The following FCRL2 variants were observed in gnomAD, a reference collection of about 807,000 sequenced individuals.
FCRL2 encodes the protein Fc receptor-like protein 2.
Under a neutral mutation model 59.8 loss-of-function variants are expected in FCRL2, and 48 were observed. The ratio of observed to expected loss-of-function variants is 0.80; its 90% confidence interval spans 0.64 to 1.02. The LOEUF (loss-of-function observed/expected upper bound fraction) is 1.02, where lower values mean the gene tolerates loss of function less well. FCRL2 is among the 50% of genes least tolerant of loss of function. The pLI is 0.00. For missense variants in FCRL2, 658 were observed against 597.3 expected, an observed-to-expected ratio of 1.10 and a Z score of -1.06; for synonymous variants, 251 against 229.5, an observed-to-expected ratio of 1.09 and a Z score of -0.85.
rs189032746 is a variant in FCRL2, at chr1:157,759,319, C to T, written c.1279+7536G>A. On this transcript the variant is annotated intron_variant, in intron 7 of 11. Transcript: ENST00000361516. Reference sequence around the variant, plus strand: ...CAGTCTTGAGTATTTCTTTACAGCACTGTGAGAACAGACTAATACAAAACT... The same window carrying T: ...CAGTCTTGAGTATTTCTTTACAGCATTGTGAGAACAGACTAATACAAAACT... 5.2e-3 allele frequency among the ~76,000 whole-genome samples: 793 copies of T among 152,224 alleles called. 3 individuals carry two copies. Among genetic ancestry groups the T allele is most frequent in the Non-Finnish European group, 7.1e-3 (485 of 68,008 alleles).
intron 8 of FCRL2, 36 bp downstream of exon 8, chr1:157,749,614 T>C: frequency 6.5e-7 from 1 of 1,544,204 alleles, no homozygotes; most frequent in Non-Finnish European, 8.9e-7. Context: ...GAAGGAGACC[T>C]CTAGAATTAA....
chr1:157,760,690 A>G lies in FCRL2; in HGVS notation c.1279+6165T>C, dbSNP rs1327889802. On this transcript the variant is annotated intron_variant, in intron 7 of 11. Coordinates refer to ENST00000361516, the MANE Select transcript of FCRL2 (RefSeq NM_030764.4). The stretch of plus-strand genomic sequence containing the variant: ...AGGAAGGAAGGAAGGAAAGAAAGAA[A>G]GAAAGAAGGAAAGAAAGAAAGAAAG... Among the ~76,000 whole-genome samples, 73 of 112,962 alleles carry G rather than the reference A, an allele frequency of 6.5e-4. 1 individual carries two copies. The highest frequency in any genetic ancestry group is 2.3e-3 in the African/African-American group (62 of 26,422). 74.1% of individuals were successfully genotyped at this position (112,962 alleles called of 152,430 possible). A position where few individuals can be genotyped will look rare whatever the true frequency, so the allele number is the denominator to read the frequency against.
At position 157,767,258 on chromosome 1, in the gene FCRL2, T is replaced by C; in HGVS notation, c.1135A>G (p.Ser379Gly). 1 of 1,613,936 alleles carries C rather than the reference T, an allele frequency of 6.2e-7. No individual in the cohort carries two copies. The highest frequency in any genetic ancestry group is 2.2e-5 in the East Asian group (1 of 44,890). The change falls in exon 6 of 12, where the codon AGT (serine) becomes GGT (glycine). Residue 379 changes from serine to glycine, a missense_variant. By Grantham distance (56) the Ser-to-Gly change is moderately conservative. Transcript: ENST00000361516. The part of the protein sequence containing the change: ...EANNGLGAQC[S>G]EAVPVSISGP... ...GAGATGGAGACTGGCACTGCCTCAC[T>C]GCACTGGGCCCCCAGGCCGTTGTTG...
chr1:157,764,786 C>T (rs567772711), intron 7 of FCRL2, among the ~76,000 whole-genome samples: 6 of 152,116 alleles, frequency 3.9e-5, no homozygotes, highest in Admixed American at 6.5e-5. Flanking sequence ...AAAATTGAAA[C>T]GTAACATACT....
At chr1:157,759,650 C>G (rs1220655243) in intron 7 of FCRL2, among the ~76,000 whole-genome samples, 1 of 152,184 alleles carries the variant, frequency 6.6e-6, no homozygotes, top group Non-Finnish European at 1.5e-5. Flanking sequence ...TGAACAGACA[C>G]TTCTCCAGAA....
At chr1:157,760,492 A>C (rs888770752) in intron 7 of FCRL2, among the ~76,000 whole-genome samples, 1 of 151,600 alleles carries the variant, frequency 6.6e-6, no homozygotes, top group African/African-American at 2.4e-5. Context: ...GCTGGGCGTC[A>C]TGGCAGGCAC....
At chr1:157,766,568 A>C (rs1460994741) in intron 7 of FCRL2, 1 of 457,074 alleles carries the variant, frequency 2.2e-6, no homozygotes, top group East Asian at 3.4e-5. Context: ...GAAAATTACT[A>C]AATGGCAATT....
intron 7 of FCRL2, among the ~76,000 whole-genome samples, chr1:157,759,974 T>C (rs1402885151): frequency 2.0e-5 from 3 of 152,236 alleles, no homozygotes; most frequent in Non-Finnish European, 4.4e-5. Context: ...ATCGTTCTAC[T>C]GTAAAGACAC....
intron 7 of FCRL2, among the ~76,000 whole-genome samples, chr1:157,759,908 G>A (rs1163602557): frequency 6.6e-6 from 1 of 152,158 alleles, no homozygotes; most frequent in Non-Finnish European, 1.5e-5. Context: ...ACTTAAAATA[G>A]AACTACCATT....
At chr1:157,771,198 G>T (rs1029400098) in intron 2 of FCRL2, among the ~76,000 whole-genome samples, 3 of 152,166 alleles carry the variant, frequency 2.0e-5, no homozygotes, top group Non-Finnish European at 4.4e-5. Flanking sequence ...TATTGCAGGG[G>T]TGTCAAGGTA....
chr1:157,753,485 A>G (rs1163192776), intron 7 of FCRL2, among the ~76,000 whole-genome samples: 1 of 152,214 alleles, frequency 6.6e-6, no homozygotes, highest in Non-Finnish European at 1.5e-5. Context: ...ACCAAATGAA[A>G]AAGTTTAGGT....
chr1:157,758,917 C>A (rs1421933924), intron 7 of FCRL2, among the ~76,000 whole-genome samples: 1 of 152,152 alleles, frequency 6.6e-6, no homozygotes, highest in Non-Finnish European at 1.5e-5. Flanking sequence ...TCACCATATA[C>A]AAAAATCAAC....
At chr1:157,758,994 T>C (rs1051638382) in intron 7 of FCRL2, among the ~76,000 whole-genome samples, 2 of 152,242 alleles carry the variant, frequency 1.3e-5, no homozygotes, top group African/African-American at 4.8e-5. Context: ...TTGGGCTGTG[T>C]CCTCACCCAA....
In FCRL2 at chr1:157,776,986, G is replaced by A. The variant is rs983741714; in HGVS notation, c.31+57C>T. ...TCCAATAAAACCTCCAACCTTTTGG[G>A]AGCAGTAGACCTCATTCAGCTGCCA... is the stretch of plus-strand genomic sequence containing the variant. On this transcript the variant is annotated intron_variant, in intron 1 of 11. Coordinates refer to ENST00000361516, the MANE Select transcript of FCRL2 (RefSeq NM_030764.4). The A allele has an allele frequency of 2.6e-6, 4 of 1,526,186 alleles. No individual in the cohort carries two copies. In the African/African-American group the frequency reaches 5.5e-5, roughly 21 times the overall value. The allele number at this position is 1,526,186 out of a possible 1,614,324, so 94.5% of individuals were successfully genotyped here. A position where few individuals can be genotyped will look rare whatever the true frequency, so the allele number is the denominator to read the frequency against.
In FCRL2 at chr1:157,764,181, C is replaced by T. The variant is rs554041663; in HGVS notation, c.1279+2674G>A. Among the ~76,000 whole-genome samples, 6 of 151,030 alleles carry T rather than the reference C, an allele frequency of 4.0e-5. No individual in the cohort carries two copies. The East Asian group carries it at 5.8e-4, about 15-fold the overall frequency. ...ATTGCGCCACCGCACTCCAGCCTGG[C>T]GACAGAGCAAGACTCTGCCTCAAAA... On this transcript the variant is annotated intron_variant, in intron 7 of 11. Coordinates refer to ENST00000361516, the MANE Select transcript of FCRL2 (RefSeq NM_030764.4).
Position 157,770,552 on chromosome 1 carries a change from T to G in FCRL2, c.167A>C (p.Lys56Thr). ...IQKMAYHKDN[K>T]ELSVFKKFSD... ...GAATTTTTTGAAAACAGATAACTCT[T>G]TGTTATCCTTATGGTAAGCCATCTT... Residue 56 changes from lysine (K) to threonine (T), a missense_variant, in exon 3 of 12, where the codon AAA becomes ACA. Lys to Thr is a moderately conservative substitution (Grantham distance 78, BLOSUM62 -1). Transcript: ENST00000361516. The G allele has an allele frequency of 6.2e-7, 1 of 1,614,202 alleles. No homozygotes were observed. Among genetic ancestry groups the G allele is most frequent in the Non-Finnish European group, 8.5e-7 (1 of 1,180,012 alleles).
At chr1:157,775,869 G>A (rs1650372485) in intron 1 of FCRL2, 74 bp from the exon 2 acceptor site, 2 of 1,514,062 alleles carry the variant, frequency 1.3e-6, no homozygotes, top group Non-Finnish European at 1.8e-6. Flanking sequence ...TATTACTCTG[G>A]TAAATTGCTC....
In FCRL2 at chr1:157,770,091, C is replaced by CT; in HGVS notation, c.369dup (p.Val124SerfsTer6). 1 of 1,614,222 alleles carries CT rather than the reference C, an allele frequency of 6.2e-7. No individual in the cohort carries two copies. Among genetic ancestry groups the CT allele is most frequent in the Non-Finnish European group, 8.5e-7 (1 of 1,180,032 alleles). ...AGCCGGGTCTCACATTTCAGGCTCA[C>CT]TGGACCCCCTTCGATGGGCTGGAAG... On this transcript the variant is annotated frameshift_variant, in exon 4 of 12. Transcript: ENST00000361516. LOFTEE classifies it high-confidence loss of function.
intron 1 of FCRL2, among the ~76,000 whole-genome samples, chr1:157,776,219 A>G (rs942246697): frequency 2.0e-5 from 3 of 152,184 alleles, no homozygotes; most frequent in Non-Finnish European, 4.4e-5. Flanking sequence ...TCCTATGGCC[A>G]TATTTCACGT....
Sources: gnomAD v4.1 joint callset for allele counts (sites outside exome capture counted in the v4.1 genomes callset) on GRCh38, gnomAD v4.1.1 for gene constraint, MANE v1.5 for transcripts, NCBI Gene and HGNC (gene_info 2026-07-23, HGNC 2026-07-21) for gene names.